HECW1: variants seen among roughly 807,000 people sequenced by gnomAD.
The protein encoded by HECW1 is E3 ubiquitin-protein ligase HECW1.
HECW1 carries 61 observed loss-of-function variants against 182.3 expected under a neutral mutation model. The ratio of observed to expected loss-of-function variants is 0.33; its 90% CI spans 0.27 to 0.41. HECW1 has a LOEUF of 0.41. Ranked by LOEUF, HECW1 falls within the 10% of genes least tolerant of loss-of-function variation. HECW1 has a pLI of 1.00. For missense variants in HECW1, 1,739 were observed against 2,108.9 expected (o/e 0.82, Z 3.44); for synonymous variants, 859 against 832.6 (o/e 1.03, Z -0.55).
At chr7:43,118,138 C>G (rs890913053) in intron 2 of HECW1, 1 of 152,190 alleles carries the variant, frequency 6.6e-6, no homozygotes, top group African/African-American at 2.4e-5. Flanking sequence ...TTCGGGGTCC[C>G]TTTTATATAT....
intron 24 of HECW1, among the ~76,000 whole-genome samples, chr7:43,537,010 C>A (rs528443118): frequency 2.0e-5 from 3 of 152,220 alleles, no homozygotes; most frequent in Admixed American, 6.5e-5. Flanking sequence ...GTTGCAGAGG[C>A]TGAGACGGTA....
intron 16 of HECW1, among the ~76,000 whole-genome samples, chr7:43,475,175 A>C (rs1056826697): frequency 3.9e-5 from 6 of 152,230 alleles, no homozygotes; most frequent in Admixed American, 3.9e-4. Context: ...AAAGGGCCCC[A>C]AAAATGAAGC....
intron 16 of HECW1, among the ~76,000 whole-genome samples, chr7:43,474,231 C>T (rs1401609212): frequency 2.0e-5 from 3 of 152,218 alleles, no homozygotes; most frequent in Admixed American, 6.5e-5. Flanking sequence ...GGGTGGATCA[C>T]GAGGTCAGCA....
intron 6 of HECW1, among the ~76,000 whole-genome samples, chr7:43,364,738 G>A (rs79529244): frequency 4.6e-5 from 7 of 152,316 alleles, no homozygotes; most frequent in African/African-American, 1.4e-4. Flanking sequence ...AGGACTTATT[G>A]TCCCTATATA....
rs13243191 is a variant in HECW1, at chr7:43,550,630, G to A, written c.4395+39G>A. On this transcript the variant is annotated intron_variant, in intron 27 of 29. Coordinates refer to ENST00000395891, the MANE Select transcript of HECW1 (RefSeq NM_015052.5). ...GCCTGGGGAAGGCAAGCTGTGGCCA[G>A]GGTGCTGCTTCACGGGGCCTCATCC... The A allele has an allele frequency of 0.092, 143,293 of 1,558,966 alleles. 7,026 individuals carry two copies. The highest frequency in any genetic ancestry group is 0.16 in the Middle Eastern group (893 of 5,528).
intron 18 of HECW1, among the ~76,000 whole-genome samples, chr7:43,492,403 T>A (rs1255807426): frequency 6.6e-6 from 1 of 152,158 alleles, no homozygotes; most frequent in East Asian, 1.9e-4. Context: ...TTCCCCTCCC[T>A]GTCTTTTCTG....
chr7:43,417,758 CT>C (rs1293143246), intron 8 of HECW1, among the ~76,000 whole-genome samples: 7 of 152,154 alleles, frequency 4.6e-5, no homozygotes, highest in African/African-American at 1.7e-4. Flanking sequence ...AATAATAAAT[CT>C]ATAATGATTT....
rs1164322946 is a variant in HECW1, at chr7:43,243,331, A to G, written c.-31-544A>G. On this transcript the variant is annotated intron_variant, in intron 2 of 29. Coordinates refer to ENST00000395891, the MANE Select transcript of HECW1 (RefSeq NM_015052.5). This position sits in a 1 kb window ranked among gnomAD's most constrained non-coding sequence, Gnocchi z 4.0. ...CAGTGATGCCAAGTTTATTGTGGTGACAGTCACTCCGCAGGACAACAAGTG... is the reference window on the plus strand; with the variant it reads ...CAGTGATGCCAAGTTTATTGTGGTGGCAGTCACTCCGCAGGACAACAAGTG... 6.6e-6 allele frequency among the ~76,000 whole-genome samples: 1 copy of G among 152,064 alleles called. No homozygotes were observed. The highest frequency in any genetic ancestry group is 1.5e-5 in the Non-Finnish European group (1 of 68,026).
At chr7:43,463,902 G>C in intron 14 of HECW1, 103 bp downstream of exon 14, 1 of 1,322,334 alleles carries the variant, frequency 7.6e-7, no homozygotes, top group Non-Finnish European at 1.1e-6. Flanking sequence ...ATGTGCCCCA[G>C]GGTGAAGAGA....
chr7:43,427,530 G>A (rs1392620837), intron 8 of HECW1, among the ~76,000 whole-genome samples: 1 of 152,140 alleles, frequency 6.6e-6, no homozygotes, highest in African/African-American at 2.4e-5. Context: ...CTATTATGCT[G>A]TTACTTGCCC....
chr7:43,170,804 G>A (rs1791608501), intron 2 of HECW1, among the ~76,000 whole-genome samples: 1 of 152,184 alleles, frequency 6.6e-6, no homozygotes, highest in South Asian at 2.1e-4. Flanking sequence ...GCAAAGGTGG[G>A]GATAGAGTGA....
chr7:43,283,592 A>G (rs1804211250), intron 3 of HECW1, among the ~76,000 whole-genome samples: 1 of 152,248 alleles, frequency 6.6e-6, no homozygotes, highest in African/African-American at 2.4e-5. Flanking sequence ...CACATAAATA[A>G]AAGTTCTTTA....
rs774856233 is a variant in HECW1 at position 43,311,854 on chromosome 7, G to A, written c.119G>A (p.Arg40Gln). ...CGACGCCGGTGCAAGGAGCCGCTCC[G>A]ATACAGCTACAACCCCGACCAGTTC... The part of the protein sequence containing the change: ...QSRRRCKEPL[R>Q]YSYNPDQFHN... The change falls in exon 4 of 30, where the codon CGA (arginine) becomes CAA (glutamine). Residue 40 changes from arginine to glutamine, a missense_variant. This residue lies in a region of HECW1 where 279 missense variants were observed against 353.1 expected (regional missense o/e 0.79). Transcript: ENST00000395891. 12 of 1,614,094 alleles carry A rather than the reference G, an allele frequency of 7.4e-6. No individual in the cohort carries two copies. Among genetic ancestry groups the A allele is most frequent in the African/African-American group, 1.3e-5 (1 of 74,946 alleles).
At chr7:43,426,137 T>C (rs2076357567) in intron 8 of HECW1, among the ~76,000 whole-genome samples, 1 of 152,184 alleles carries the variant, frequency 6.6e-6, no homozygotes. Context: ...CATGGGGCAC[T>C]TAATGACCTG....
chr7:43,457,603 T>A (rs1454368563), intron 13 of HECW1, among the ~76,000 whole-genome samples: 1 of 151,896 alleles, frequency 6.6e-6, no homozygotes, highest in East Asian at 1.9e-4. Context: ...TAAAACTCTG[T>A]CTCTACTAAG....
intron 16 of HECW1, among the ~76,000 whole-genome samples, chr7:43,475,544 ATATTTATT>A (rs141834878): frequency 3.0e-4 from 45 of 151,946 alleles, no homozygotes; most frequent in African/African-American, 8.0e-4. Context: ...TAAAAATTAA[ATATTTATT>A]TATTTATTTA....
chr7:43,327,595 TC>T (rs1396348406), intron 5 of HECW1, among the ~76,000 whole-genome samples: 2 of 152,164 alleles, frequency 1.3e-5, no homozygotes, highest in African/African-American at 4.8e-5. Flanking sequence ...TGGTTATACC[TC>T]GTACTCATGT....
In HECW1 at chr7:43,265,296, C is replaced by T. The variant is rs186707522; in HGVS notation, c.27+21364C>T. Among the ~76,000 whole-genome samples the T allele has an allele frequency of 1.8e-3, 267 of 152,258 alleles. 2 individuals are homozygous for T. Among genetic ancestry groups the T allele is most frequent in the African/African-American group, 6.1e-3 (255 of 41,552 alleles). ...CCATTTAAACACCTCAGCATGAAAG[C>T]TACACCTACTCTGCTTACAACTCAT... On this transcript the variant is annotated intron_variant, in intron 3 of 29. Coordinates refer to ENST00000395891, the MANE Select transcript of HECW1 (RefSeq NM_015052.5).
At chr7:43,481,318 G>A (rs919741411) in intron 17 of HECW1, among the ~76,000 whole-genome samples, 2 of 152,206 alleles carry the variant, frequency 1.3e-5, no homozygotes, top group African/African-American at 4.8e-5. Flanking sequence ...AGTTGAATAT[G>A]CCTTTAAAAA....
Sources: allele counts gnomAD v4.1 joint callset (sites outside exome capture counted in the v4.1 genomes callset), GRCh38; gene constraint gnomAD v4.1.1; regional missense constraint gnomAD v4.1.1; non-coding constraint Gnocchi (gnomAD v3.1); transcripts MANE v1.5; gene names NCBI Gene and HGNC (gene_info 2026-07-23, HGNC 2026-07-21).